PTK2B: variants seen among roughly 807,000 people sequenced by gnomAD.
PTK2B encodes protein tyrosine kinase 2 beta.
Under a neutral mutation model 142.9 loss-of-function variants are expected in PTK2B, and 71 were observed. That is an observed-to-expected ratio of 0.50 (90% CI 0.41 to 0.61). The LOEUF is 0.61. PTK2B is among the 20% of genes least tolerant of loss of function. PTK2B has a pLI of 0.00. For missense variants in PTK2B, 1,105 were observed against 1,320.4 expected, an observed-to-expected ratio of 0.84 and a Z score of 2.53; for synonymous variants, 519 against 503.4, an observed-to-expected ratio of 1.03 and a Z score of -0.42.
At chr8:27,428,545 C>T (rs1810221474) in intron 5 of PTK2B, among the ~76,000 whole-genome samples, 1 of 152,086 alleles carries the variant, frequency 6.6e-6, no homozygotes. Flanking sequence ...GATCAAATTC[C>T]CAGGGTTTTC....
chr8:27,407,506 G>T (rs983381806), intron 2 of PTK2B, among the ~76,000 whole-genome samples: 8 of 152,184 alleles, frequency 5.3e-5, no homozygotes, highest in African/African-American at 1.9e-4. Context: ...TGCTGCTGGT[G>T]CTGGCTCCAG....
intron 27 of PTK2B, 35 bp from the exon 28 acceptor site, chr8:27,453,079 G>T (rs200915970): frequency 1.9e-6 from 3 of 1,612,670 alleles, no homozygotes; most frequent in Non-Finnish European, 2.5e-6. Flanking sequence ...GGAGTGCTGA[G>T]AACTGCCCCC....
intron 1 of PTK2B, among the ~76,000 whole-genome samples, chr8:27,349,124 A>G (rs1213739463): frequency 6.6e-6 from 1 of 152,186 alleles, no homozygotes; most frequent in Non-Finnish European, 1.5e-5. Flanking sequence ...TCCTTATTAG[A>G]AATTGGATCA....
intron 1 of PTK2B, among the ~76,000 whole-genome samples, chr8:27,391,376 C>G (rs988091078): frequency 1.3e-5 from 2 of 152,162 alleles, no homozygotes; most frequent in Non-Finnish European, 2.9e-5. Context: ...GGATTACAGT[C>G]GTGAGCCACT....
intron 18 of PTK2B, 131 bp from the exon 19 acceptor site, chr8:27,438,900 G>A (rs1053500451): frequency 1.9e-5 from 16 of 824,484 alleles, no homozygotes; most frequent in South Asian, 6.6e-5. Flanking sequence ...GAAGCTGCCC[G>A]ATTCTGCTCT....
At chr8:27,379,779 TA>T (rs143712596) in intron 1 of PTK2B, among the ~76,000 whole-genome samples, 1 of 152,272 alleles carries the variant, frequency 6.6e-6, no homozygotes, top group South Asian at 2.1e-4. Flanking sequence ...AGATGGTATC[TA>T]AAAAAACTGG....
At chr8:27,455,154 G>A (rs1563307739) in intron 30 of PTK2B, among the ~76,000 whole-genome samples, 4 of 151,934 alleles carry the variant, frequency 2.6e-5, no homozygotes, top group Non-Finnish European at 4.4e-5. Context: ...AAGAGACTTT[G>A]CAAATGTGAT....
At chr8:27,434,694 G>A (rs1810665388) in intron 13 of PTK2B, 135 bp downstream of exon 13, 1 of 1,031,540 alleles carries the variant, frequency 9.7e-7, no homozygotes, top group African/African-American at 1.6e-5. Context: ...ACTTCTCAGT[G>A]ATGGCTTTAA....
intron 2 of PTK2B, among the ~76,000 whole-genome samples, chr8:27,417,838 CTG>C (rs773803069): frequency 1.3e-5 from 2 of 152,080 alleles, no homozygotes; most frequent in Non-Finnish European, 2.9e-5. Context: ...CAGGAGAGGA[CTG>C]TAAGTTCAAA....
chr8:27,416,951 A>G (rs1809437271), intron 2 of PTK2B, among the ~76,000 whole-genome samples: 1 of 152,218 alleles, frequency 6.6e-6, no homozygotes, highest in Admixed American at 6.5e-5. Context: ...AAGACTGACA[A>G]CACCAAATGT....
chr8:27,440,473 G>A, intron 21 of PTK2B, 32 bp downstream of exon 21: 2 of 1,604,556 alleles, frequency 1.2e-6, no homozygotes, highest in Non-Finnish European at 1.7e-6. Context: ...TGGGCTGGGG[G>A]CCCACCCGGC....
chr8:27,422,513 G>T (rs55717430), intron 5 of PTK2B, 130 bp downstream of exon 5: 1 of 859,388 alleles, frequency 1.2e-6, no homozygotes, highest in South Asian at 2.0e-5. Flanking sequence ...GGTGGTGACC[G>T]GCAGCAGGTG....
exon 1 of PTK2B, chr8:27,311,590 T>G: frequency 3.1e-6 from 1 of 320,008 alleles, no homozygotes; most frequent in Non-Finnish European, 5.7e-6. Flanking sequence ...TACTTCCGGC[T>G]GCAAATGGGA....
In PTK2B at chr8:27,370,118, ACT is replaced by A. The variant is rs1247093825; in HGVS notation, c.-37-27427_-37-27426del. ...TGGGAGTTCAGGTAGGAGCCATAACACTCTGTGCAGTTTTCCTCGTACCTGGC... is the reference window on the plus strand; with the variant it reads ...TGGGAGTTCAGGTAGGAGCCATAACACTGTGCAGTTTTCCTCGTACCTGGC... On this transcript the variant is annotated intron_variant, in intron 1 of 30. Coordinates refer to ENST00000346049, the MANE Select transcript of PTK2B (RefSeq NM_173176.3). 6.6e-5 allele frequency among the ~76,000 whole-genome samples: 10 copies of A among 152,256 alleles called. No individual in the cohort carries two copies. In the South Asian group the frequency reaches 8.3e-4, roughly 13 times the overall value.
At chr8:27,375,592 C>T (rs1400977178) in intron 1 of PTK2B, among the ~76,000 whole-genome samples, 1 of 152,208 alleles carries the variant, frequency 6.6e-6, no homozygotes, top group African/African-American at 2.4e-5. Context: ...AGTGTTAAAT[C>T]CTACAGTGCT....
intron 1 of PTK2B, among the ~76,000 whole-genome samples, chr8:27,351,476 A>G (rs1362561926): frequency 6.6e-6 from 1 of 152,182 alleles, no homozygotes; most frequent in Non-Finnish European, 1.5e-5. Context: ...AAGGTTCCAC[A>G]GCCACACAGA....
In PTK2B at chr8:27,433,521, C is replaced by T; in HGVS notation, c.1074C>T (p.His358=). ...IDGYCRLQGE[H]QGSLIIHPRK... is the part of the protein sequence containing the mutation. ...GCTACTGCCGGCTGCAGGGTGAGCACCAAGGCTCTCTCATCATCCATCCTA... is the reference window on the plus strand; with the variant it reads ...GCTACTGCCGGCTGCAGGGTGAGCATCAAGGCTCTCTCATCATCCATCCTA... Residue 358 remains histidine, a synonymous_variant, in exon 11 of 31, where the codon CAC becomes CAT. Coordinates refer to ENST00000346049, the MANE Select transcript of PTK2B (RefSeq NM_173176.3). The T allele has an allele frequency of 6.2e-7, 1 of 1,614,132 alleles. No homozygotes were observed. Among genetic ancestry groups the T allele is most frequent in the Middle Eastern group, 1.6e-4 (1 of 6,062 alleles).
chr8:27,443,768 G>T (rs1811301846), intron 22 of PTK2B, among the ~76,000 whole-genome samples: 1 of 152,126 alleles, frequency 6.6e-6, no homozygotes, highest in Non-Finnish European at 1.5e-5. Flanking sequence ...CCCATCTAAG[G>T]CCTTTTCTCA....
At chr8:27,414,259 T>C (rs1329977787) in intron 2 of PTK2B, among the ~76,000 whole-genome samples, 1 of 152,146 alleles carries the variant, frequency 6.6e-6, no homozygotes, top group Admixed American at 6.5e-5. Context: ...TCTTCTTTTT[T>C]TTTTTGAGAC....
Sources: allele counts gnomAD v4.1 joint callset (sites outside exome capture counted in the v4.1 genomes callset), GRCh38; gene constraint gnomAD v4.1.1; transcripts MANE v1.5; gene names NCBI Gene and HGNC (gene_info 2026-07-23, HGNC 2026-07-21).